MRPL45: variants seen among roughly 807,000 people sequenced by gnomAD.
MRPL45 encodes the protein large ribosomal subunit protein mL45.
MRPL45 carries 20 observed loss-of-function variants against 38.1 expected under a neutral mutation model. That is an observed-to-expected ratio of 0.53 (90% confidence interval 0.37 to 0.76). MRPL45 has a LOEUF of 0.76. Ranked by LOEUF, MRPL45 falls within the 30% of genes least tolerant of loss-of-function variation. MRPL45 has a pLI of 0.00. For synonymous variants in MRPL45, 105 were observed against 128.8 expected, an observed-to-expected ratio of 0.82 and a Z score of 1.25; for missense variants, 337 against 395.6, an observed-to-expected ratio of 0.85 and a Z score of 1.26.
At chr17:38,301,856 G>A (rs2036999240) in intron 3 of MRPL45, among the ~76,000 whole-genome samples, 2 of 152,004 alleles carry the variant, frequency 1.3e-5, no homozygotes, top group South Asian at 2.1e-4. Context: ...GGTGGCTCAC[G>A]CCTGTAATCC....
At chr17:38,312,049 C>CTT (rs1392041180) in intron 4 of MRPL45, among the ~76,000 whole-genome samples, 2 of 142,356 alleles carry the variant, frequency 1.4e-5, no homozygotes, top group Non-Finnish European at 3.1e-5. Flanking sequence ...ATTTTTTTAT[C>CTT]TTTTTTTTTT....
At chr17:38,313,385 C>CATAT (rs1189832077) in intron 4 of MRPL45, among the ~76,000 whole-genome samples, 2 of 19,642 alleles carry the variant, frequency 1.0e-4, no homozygotes, top group South Asian at 2.1e-3. Flanking sequence ...TATATATATA[C>CATAT]ATATATATAT....
At chr17:38,309,477 G>A (rs1458077979) in intron 4 of MRPL45, among the ~76,000 whole-genome samples, 2 of 150,358 alleles carry the variant, frequency 1.3e-5, no homozygotes, top group Admixed American at 6.6e-5. Flanking sequence ...AGCCGAGATC[G>A]TGCAGCTGCA....
intron 4 of MRPL45, among the ~76,000 whole-genome samples, chr17:38,313,409 A>G (rs1409951218): frequency 9.1e-6 from 1 of 109,392 alleles, no homozygotes; most frequent in African/African-American, 4.0e-5. Context: ...TATATGAGAG[A>G]TGGGGTCTCA....
intron 4 of MRPL45, among the ~76,000 whole-genome samples, chr17:38,311,118 T>G (rs1396369384): frequency 6.6e-6 from 1 of 152,128 alleles, no homozygotes; most frequent in Admixed American, 6.6e-5. Flanking sequence ...CACTATCCAT[T>G]TCCAGATTTT....
At chr17:38,307,483 G>C (rs963430338) in intron 4 of MRPL45, among the ~76,000 whole-genome samples, 6 of 152,038 alleles carry the variant, frequency 3.9e-5, no homozygotes, top group Non-Finnish European at 8.8e-5. Flanking sequence ...GGGACCACCA[G>C]CATCTGCCAC....
chr17:38,308,473 CTCTGT>C (rs1346798745), intron 4 of MRPL45, among the ~76,000 whole-genome samples: 98 of 150,206 alleles, frequency 6.5e-4, no homozygotes, highest in Non-Finnish European at 1.2e-3. Context: ...TAGACTCTTG[CTCTGT>C]TGCCCAGGCT....
chr17:38,322,319 T>G lies in MRPL45; in HGVS notation c.834+20T>G. Reference sequence around the variant, plus strand: ...CTTAAGGTAAGGTGGCTTGCATGGTTTAAGAGAGCTGAGGCACTACTCGTG... The same window carrying G: ...CTTAAGGTAAGGTGGCTTGCATGGTGTAAGAGAGCTGAGGCACTACTCGTG... On this transcript the variant is annotated intron_variant, in intron 7 of 7. Coordinates refer to ENST00000613675, the MANE Select transcript of MRPL45 (RefSeq NM_032351.6). 1 of 1,611,306 alleles carries G rather than the reference T, an allele frequency of 6.2e-7. No individual in the cohort carries two copies. The highest frequency in any genetic ancestry group is 8.5e-7 in the Non-Finnish European group (1 of 1,178,836).
At chr17:38,320,580 G>A in intron 5 of MRPL45, 38 bp from the exon 6 acceptor site, 2 of 1,605,390 alleles carry the variant, frequency 1.2e-6, no homozygotes, top group Non-Finnish European at 8.5e-7. Flanking sequence ...TTAAAGGGAG[G>A]GAAAAATGCA....
Position 38,306,672 on chromosome 17 carries a change from G to A in MRPL45, c.461+41G>A, listed in dbSNP as rs1259269854. On this transcript the variant is annotated intron_variant, in intron 4 of 7. Coordinates refer to ENST00000613675, the MANE Select transcript of MRPL45 (RefSeq NM_032351.6). ...ATCTTTACCCATTCTGTTCTCAGCA[G>A]TTAGCTATTATTTTAGGCACAGTTT... 12 of 1,603,656 alleles carry A rather than the reference G, an allele frequency of 7.5e-6. No individual in the cohort carries two copies. The Admixed American group carries it at 1.1e-4, about 14-fold the overall frequency.
intron 4 of MRPL45, among the ~76,000 whole-genome samples, chr17:38,312,424 T>C (rs2037121916): frequency 6.6e-6 from 1 of 152,212 alleles, no homozygotes; most frequent in South Asian, 2.1e-4. Context: ...ATTCATCTAG[T>C]GATGGACATT....
At chr17:38,298,993 G>A (rs1357351290) in intron 2 of MRPL45, among the ~76,000 whole-genome samples, 2 of 150,600 alleles carry the variant, frequency 1.3e-5, no homozygotes, top group Non-Finnish European at 3.0e-5. Context: ...GGGTTCAAGC[G>A]ATTCTCCTAC....
At chr17:38,307,702 A>G (rs1431746845) in intron 4 of MRPL45, among the ~76,000 whole-genome samples, 1 of 152,162 alleles carries the variant, frequency 6.6e-6, no homozygotes, top group African/African-American at 2.4e-5. Context: ...AAGAATCAAC[A>G]TTAGGAGGCT....
chr17:38,319,172 A>C (rs1014068971), intron 5 of MRPL45, among the ~76,000 whole-genome samples: 1 of 151,816 alleles, frequency 6.6e-6, no homozygotes, highest in Non-Finnish European at 1.5e-5. Flanking sequence ...AGTAGCTGGG[A>C]CTACAGGCAC....
chr17:38,302,807 C>T (rs2144205781), intron 3 of MRPL45, among the ~76,000 whole-genome samples: 1 of 150,478 alleles, frequency 6.6e-6, no homozygotes, highest in South Asian at 2.1e-4. Flanking sequence ...CCACTGCAGC[C>T]TCTGCCTCCC....
intron 4 of MRPL45, among the ~76,000 whole-genome samples, chr17:38,312,151 A>G (rs539484920): frequency 6.7e-6 from 1 of 149,926 alleles, no homozygotes; most frequent in South Asian, 2.1e-4. Context: ...GGTTCAAGCG[A>G]TTCTCCAGCC....
chr17:38,311,483 C>T (rs545666423), intron 4 of MRPL45, among the ~76,000 whole-genome samples: 25 of 152,046 alleles, frequency 1.6e-4, no homozygotes, highest in Admixed American at 3.9e-4. Flanking sequence ...GTCAAGAGAT[C>T]GAGACCATCC....
intron 3 of MRPL45, among the ~76,000 whole-genome samples, chr17:38,303,113 C>G (rs907714665): frequency 1.2e-4 from 19 of 152,106 alleles, no homozygotes; most frequent in African/African-American, 4.3e-4. Context: ...ATCAAATTCT[C>G]TATATTGTTA....
Position 38,322,127 on chromosome 17 carries a change from C to G in MRPL45, c.662C>G (p.Thr221Ser). The G allele has an allele frequency of 1.2e-6, 2 of 1,613,564 alleles. No homozygotes were observed. The highest frequency in any genetic ancestry group is 1.7e-6 in the Non-Finnish European group (2 of 1,179,606). ...CCAGATTTGCTTTTATCCTTGCAGA[C>G]TCTGGCCATCTATGACCGGTTTGGC... ...QITVRMHTRQTLAIYDRFGRL... is the reference protein window; with the variant it reads ...QITVRMHTRQSLAIYDRFGRL... Residue 221 changes from threonine (T) to serine (S), a missense_variant and splice_region_variant, in exon 7 of 8, where the codon ACT (threonine) becomes AGT (serine). This residue lies in a region of MRPL45 where 251 missense variants were observed against 269.1 expected (regional missense o/e 0.93). Coordinates refer to ENST00000613675, the MANE Select transcript of MRPL45 (RefSeq NM_032351.6).
Sources: gnomAD v4.1 joint callset for allele counts (sites outside exome capture counted in the v4.1 genomes callset) on GRCh38, gnomAD v4.1.1 for gene constraint, gnomAD v4.1.1 regional missense constraint, MANE v1.5 for transcripts, NCBI Gene and HGNC (gene_info 2026-07-23, HGNC 2026-07-21) for gene names.